The following NBPF9 variants were observed in gnomAD, a reference collection of about 807,000 sequenced individuals.
NBPF9 encodes NBPF member 9, also known as NBPF family member NBPF9.
In NBPF9, 91 loss-of-function variants were observed where a neutral mutation model predicts 97.8. The ratio of observed to expected loss-of-function variants is 0.93; its 90% confidence interval spans 0.79 to 1.11. The LOEUF is 1.11. Among genes scored for constraint, NBPF9 ranks in the 50% least tolerant of loss-of-function variants. The pLI is 0.00. For missense variants in NBPF9, 992 were observed against 939.5 expected (o/e 1.06, Z -0.73); for synonymous variants, 334 against 359.5 (o/e 0.93, Z 0.80).
rs2079991898 is a variant in NBPF9 at position 149,077,516 on chromosome 1, A to G, written c.567-97T>C. The G allele has an allele frequency of 2.6e-6, 4 of 1,550,238 alleles. No homozygotes were observed. The African/African-American group carries it at 4.1e-5, about 16-fold the overall frequency. On this transcript the variant is annotated intron_variant, in intron 10 of 29. Coordinates refer to ENST00000584027, the Ensembl canonical transcript of NBPF9. Reference sequence around the variant, plus strand: ...TGGTTTTGACAGGCGGCATTAAGAGAGTGGTTCCAGAAAGCAAAACGGAGG... The same window carrying G: ...TGGTTTTGACAGGCGGCATTAAGAGGGTGGTTCCAGAAAGCAAAACGGAGG...
At chr1:149,095,623 CAAAA>C (rs373341524) in intron 4 of NBPF9, among the ~76,000 whole-genome samples, 2 of 101,224 alleles carry the variant, frequency 2.0e-5, no homozygotes, top group African/African-American at 3.8e-5. Context: ...CAACACAAAG[CAAAA>C]AAAAAAAAAA....
intron 20 of NBPF9, 128 bp downstream of exon 20, chr1:149,063,505 A>C (rs1365327616): frequency 1.4e-6 from 1 of 700,996 alleles, no homozygotes; most frequent in Non-Finnish European, 2.6e-6. Context: ...CATTCAACGT[A>C]CATGTGCCTA....
exon 30 of NBPF9, chr1:149,055,824 C>A: frequency 6.2e-7 from 1 of 1,606,470 alleles, no homozygotes; most frequent in Non-Finnish European, 8.5e-7. Flanking sequence ...AGTACATTGA[C>A]GGAGTAGAAT....
chr1:149,082,957 C>CTTTTTTTTTTTTTTTTTTTTT (rs1157992196), intron 5 of NBPF9, among the ~76,000 whole-genome samples: 10 of 66,458 alleles, frequency 1.5e-4, no homozygotes, highest in Non-Finnish European at 2.1e-4. Flanking sequence ...TTTTTCTTTT[C>CTTTTTTTTTTTTTTTTTTTTT]TTTTTTTTTT....
exon 22 of NBPF9, chr1:149,062,108 C>A (rs1394339567): frequency 4.2e-6 from 5 of 1,197,240 alleles, no homozygotes; most frequent in Non-Finnish European, 4.9e-6. Flanking sequence ...AAGTCAAGAG[C>A]CAAGCCAAGG....
chr1:149,067,716 G>C, intron 17 of NBPF9, among the ~76,000 whole-genome samples: 1 of 145,680 alleles, frequency 6.9e-6, no homozygotes, highest in Non-Finnish European at 1.5e-5. Context: ...ATCATTGCTG[G>C]ATATTTGGCT....
At chr1:149,097,282 C>T (rs1186675398) in intron 4 of NBPF9, among the ~76,000 whole-genome samples, 5 of 152,260 alleles carry the variant, frequency 3.3e-5, no homozygotes, top group East Asian at 1.9e-4. Flanking sequence ...AACAGGAACA[C>T]GCTAACTAGT....
At chr1:149,072,759 C>G (rs1553653257) in exon 14 of NBPF9, 1 of 1,601,198 alleles carries the variant, frequency 6.2e-7, no homozygotes, top group Admixed American at 1.7e-5. Context: ...CAGTCTACAC[C>G]CCTCAGCCAG....
intron 17 of NBPF9, among the ~76,000 whole-genome samples, chr1:149,068,019 G>A (rs1431713692): frequency 1.4e-5 from 2 of 145,966 alleles, no homozygotes; most frequent in Non-Finnish European, 3.0e-5. Context: ...TTCATATCCA[G>A]CCAAACAAAG....
intron 15 of NBPF9, 93 bp downstream of exon 15, chr1:149,071,511 T>G: frequency 8.9e-7 from 1 of 1,124,598 alleles, no homozygotes; most frequent in Non-Finnish European, 1.3e-6. Flanking sequence ...GAATGCGGGT[T>G]TTTGGCCCAT....
At chr1:149,059,170 G>A in intron 25 of NBPF9, 73 bp from the exon 26 acceptor site, 1 of 420,052 alleles carries the variant, frequency 2.4e-6, no homozygotes, top group Non-Finnish European at 4.4e-6. Context: ...TAGATTTCAT[G>A]GCTAACATAA....
intron 7 of NBPF9, among the ~76,000 whole-genome samples, chr1:149,081,459 G>C (rs1403465235): frequency 1.2e-4 from 18 of 150,376 alleles, no homozygotes; most frequent in Admixed American, 9.3e-4. Flanking sequence ...AGGTAGCACA[G>C]GTTCTATTAG....
At chr1:149,072,346 T>A (rs1444113598) in intron 14 of NBPF9, among the ~76,000 whole-genome samples, 5 of 152,166 alleles carry the variant, frequency 3.3e-5, no homozygotes, top group Non-Finnish European at 5.9e-5. Flanking sequence ...AGTCATTCAC[T>A]CTCTGACAGT....
At chr1:149,100,723 C>G (rs1366896452) in intron 3 of NBPF9, among the ~76,000 whole-genome samples, 1 of 152,028 alleles carries the variant, frequency 6.6e-6, no homozygotes, top group African/African-American at 2.4e-5. Context: ...TACTTGAGCC[C>G]AACAGTTTGA....
At chr1:149,081,864 G>T in intron 7 of NBPF9, 101 bp downstream of exon 7, 1 of 811,394 alleles carries the variant, frequency 1.2e-6, no homozygotes, top group Non-Finnish European at 2.0e-6. Context: ...TAGAAGTACA[G>T]GAAGGATGAA....
intron 15 of NBPF9, 144 bp from the exon 16 acceptor site, chr1:149,071,283 T>C (rs1206928196): frequency 1.1e-5 from 15 of 1,398,332 alleles, no homozygotes; most frequent in East Asian, 4.6e-5. Context: ...AGGGAACAGG[T>C]AATCCTCTTC....
chr1:149,095,519 G>GA (rs2081689760), intron 4 of NBPF9, among the ~76,000 whole-genome samples: 2 of 145,258 alleles, frequency 1.4e-5, no homozygotes, highest in East Asian at 4.1e-4. Flanking sequence ...TAAGAGAATG[G>GA]AAAAAGCAAG....
chr1:149,062,748 G>A (rs1375150850), intron 21 of NBPF9, 114 bp downstream of exon 21: 19 of 769,140 alleles, frequency 2.5e-5, no homozygotes, highest in Non-Finnish European at 4.0e-5. Flanking sequence ...AATGGCAGTA[G>A]GAGTAATTCA....
chr1:149,084,315 AATAT>A (rs1169416028), intron 5 of NBPF9, among the ~76,000 whole-genome samples: 3 of 147,598 alleles, frequency 2.0e-5, no homozygotes, highest in Non-Finnish European at 3.0e-5. Flanking sequence ...ACGTATATAT[AATAT>A]ATACACACAC....
Sources: allele counts gnomAD v4.1 joint callset (sites outside exome capture counted in the v4.1 genomes callset), GRCh38; gene constraint gnomAD v4.1.1; transcripts MANE v1.5; gene names NCBI Gene and HGNC (gene_info 2026-07-23, HGNC 2026-07-21).